Variants in LRRC4C observed in about 807,000 individuals in gnomAD.
The protein encoded by LRRC4C is leucine-rich repeat-containing protein 4C.
Under a neutral mutation model 33.6 loss-of-function variants are expected in LRRC4C, and 5 were observed. The ratio of observed to expected loss-of-function variants is 0.15; its 90% confidence interval spans 0.08 to 0.31. LRRC4C has a LOEUF of 0.31. Ranked by LOEUF, LRRC4C falls within the 10% of genes least tolerant of loss-of-function variation. The pLI, the probability that LRRC4C is intolerant of heterozygous loss-of-function variation, is 1.00. For synonymous variants in LRRC4C, 329 were observed against 302.0 expected, an observed-to-expected ratio of 1.09 and a Z score of -0.93; for missense variants, 560 against 796.7, an observed-to-expected ratio of 0.70 and a Z score of 3.58.
intron 2 of LRRC4C, among the ~76,000 whole-genome samples, chr11:40,896,827 G>T (rs1456003489): frequency 6.6e-6 from 1 of 152,146 alleles, no homozygotes; most frequent in Non-Finnish European, 1.5e-5. Flanking sequence ...GAGGTGCTGT[G>T]CTTGGCACTG....
At chr11:40,536,279 C>T (rs1004073268) in intron 3 of LRRC4C, among the ~76,000 whole-genome samples, 9 of 152,064 alleles carry the variant, frequency 5.9e-5, no homozygotes, top group African/African-American at 1.9e-4. Flanking sequence ...CTGCAACCTC[C>T]GCCTCCTGGG....
chr11:40,204,525 A>G (rs1182395702), intron 5 of LRRC4C, among the ~76,000 whole-genome samples: 1 of 152,140 alleles, frequency 6.6e-6, no homozygotes, highest in Admixed American at 6.5e-5. Flanking sequence ...TCTCTTTGAA[A>G]TGTAATCAAC....
At chr11:41,410,743 A>G (rs1954443517) in intron 1 of LRRC4C, among the ~76,000 whole-genome samples, 2 of 152,216 alleles carry the variant, frequency 1.3e-5, no homozygotes, top group African/African-American at 2.4e-5. Context: ...CCTGGCCGAG[A>G]AAGTTATTTT....
At chr11:40,678,395 G>GT (rs1174937874) in intron 2 of LRRC4C, among the ~76,000 whole-genome samples, 2 of 151,952 alleles carry the variant, frequency 1.3e-5, no homozygotes, top group African/African-American at 4.8e-5. Context: ...ACCTTCTGTG[G>GT]TTTTTCTGGA....
chr11:40,377,394 T>C (rs183642031), intron 3 of LRRC4C, among the ~76,000 whole-genome samples: 11 of 152,290 alleles, frequency 7.2e-5, no homozygotes, highest in Admixed American at 5.2e-4. Context: ...GTTGATTAAT[T>C]TGTCATCAAC....
At chr11:40,920,757 A>T (rs79253800) in intron 2 of LRRC4C, among the ~76,000 whole-genome samples, 8,934 of 152,126 alleles carry the variant, frequency 0.059, 385 homozygotes, top group Admixed American at 0.15. Flanking sequence ...TCCGAATATG[A>T]CCATGTCCTA....
intron 5 of LRRC4C, among the ~76,000 whole-genome samples, chr11:40,236,627 TG>T (rs1384648730): frequency 6.6e-6 from 1 of 152,072 alleles, no homozygotes; most frequent in Non-Finnish European, 1.5e-5. Context: ...AAAAGGTCCC[TG>T]AGGCACCCCC....
chr11:40,249,929 A>G (rs1390089283), intron 4 of LRRC4C, among the ~76,000 whole-genome samples: 1 of 152,270 alleles, frequency 6.6e-6, no homozygotes, highest in Non-Finnish European at 1.5e-5. Context: ...ATAAAAGACA[A>G]TAAAATTTCA....
intron 3 of LRRC4C, among the ~76,000 whole-genome samples, chr11:40,382,355 T>A (rs558866473): frequency 2.0e-4 from 30 of 151,712 alleles, no homozygotes; most frequent in African/African-American, 6.3e-4. Flanking sequence ...TTCCTTTTTT[T>A]AAAAAAGTCA....
intron 1 of LRRC4C, among the ~76,000 whole-genome samples, chr11:41,346,258 G>A (rs1403405301): frequency 6.6e-6 from 1 of 152,108 alleles, no homozygotes; most frequent in Non-Finnish European, 1.5e-5. Context: ...AATGCAAACT[G>A]CTCACCCTTT....
At chr11:40,265,548 G>A (rs1001574002) in intron 4 of LRRC4C, among the ~76,000 whole-genome samples, 2 of 152,164 alleles carry the variant, frequency 1.3e-5, no homozygotes, top group African/African-American at 4.8e-5. Flanking sequence ...CAACCAATGA[G>A]GAAGATTGGA....
rs148777874 is a variant in LRRC4C at position 40,711,530 on chromosome 11, T to C, written c.-406-63252A>G. ...TTTTATAGAGGCAGCAGTCATCATT[T>C]ATAATACATATGTAGAATTTTTGTA... On this transcript the variant is annotated intron_variant, in intron 2 of 6. Coordinates refer to ENST00000528697, the MANE Select transcript of LRRC4C (RefSeq NM_001258419.2). Among the ~76,000 whole-genome samples the C allele has an allele frequency of 7.9e-4, 120 of 152,324 alleles. 2 individuals are homozygous for C. In the East Asian group the frequency reaches 0.021, roughly 26 times the overall value.
chr11:40,727,545 A>G (rs923080554), intron 2 of LRRC4C, among the ~76,000 whole-genome samples: 5 of 152,134 alleles, frequency 3.3e-5, no homozygotes, highest in African/African-American at 1.2e-4. Flanking sequence ...AACAAATGCA[A>G]GAAAAATTGG....
At chr11:41,057,788 A>G (rs1858740003) in intron 1 of LRRC4C, among the ~76,000 whole-genome samples, 1 of 152,144 alleles carries the variant, frequency 6.6e-6, no homozygotes, top group Non-Finnish European at 1.5e-5. Flanking sequence ...TGCTGCACAG[A>G]TAATGGGACA....
intron 1 of LRRC4C, among the ~76,000 whole-genome samples, chr11:41,258,524 A>C (rs777375505): frequency 2.0e-5 from 3 of 151,982 alleles, no homozygotes; most frequent in Non-Finnish European, 4.4e-5. Context: ...AGATCTTAAA[A>C]TAGTCTTTGG....
chr11:40,229,058 T>C (rs1448081629), intron 5 of LRRC4C, among the ~76,000 whole-genome samples: 1 of 152,150 alleles, frequency 6.6e-6, no homozygotes, highest in Non-Finnish European at 1.5e-5. Flanking sequence ...GAAAAAGCAG[T>C]CACTTGGGAA....
At chr11:41,206,061 T>C (rs1029012160) in intron 1 of LRRC4C, among the ~76,000 whole-genome samples, 48 of 152,126 alleles carry the variant, frequency 3.2e-4, no homozygotes, top group Non-Finnish European at 1.6e-4. Flanking sequence ...TAAGAATTTA[T>C]ATACAACATA....
Position 41,322,598 on chromosome 11 carries a change from G to A in LRRC4C, c.-496+136833C>T, listed in dbSNP as rs770285232. Reference sequence around the variant, plus strand: ...TGTTTTGTTGTGTCCAATGCAACCCGAAATTATAATTCTTTAAAGATTTAA... The same window carrying A: ...TGTTTTGTTGTGTCCAATGCAACCCAAAATTATAATTCTTTAAAGATTTAA... On this transcript the variant is annotated intron_variant, in intron 1 of 6. Coordinates refer to ENST00000528697, the MANE Select transcript of LRRC4C (RefSeq NM_001258419.2). 6.6e-5 allele frequency among the ~76,000 whole-genome samples: 10 copies of A among 151,976 alleles called. No homozygotes were observed. In the East Asian group the frequency reaches 7.7e-4, roughly 12 times the overall value.
At chr11:40,813,250 A>T (rs867847639) in intron 2 of LRRC4C, among the ~76,000 whole-genome samples, 6 of 152,178 alleles carry the variant, frequency 3.9e-5, no homozygotes, top group Admixed American at 1.3e-4. Context: ...AGACTGGATA[A>T]TTTATAAAGG....
Sources: gnomAD v4.1 joint callset for allele counts (sites outside exome capture counted in the v4.1 genomes callset) on GRCh38, gnomAD v4.1.1 for gene constraint, MANE v1.5 for transcripts, NCBI Gene and HGNC (gene_info 2026-07-23, HGNC 2026-07-21) for gene names.